UPF2: variants seen among roughly 807,000 people sequenced by gnomAD.
UPF2 encodes UPF2 regulator of nonsense mediated mRNA decay.
A neutral mutation model predicts 141.4 loss-of-function variants in UPF2; 17 were observed. That is an observed-to-expected ratio of 0.12 (90% CI 0.08 to 0.18). The LOEUF is 0.18. Ranked by LOEUF, UPF2 falls within the 10% of genes least tolerant of loss-of-function variation. UPF2 has a pLI of 1.00. For missense variants in UPF2, 1,152 were observed against 1,515.9 expected (o/e 0.76, Z 3.99); for synonymous variants, 540 against 498.0 (o/e 1.08, Z -1.12).
chr10:11,946,728 C>T (rs1046667188), intron 16 of UPF2, among the ~76,000 whole-genome samples: 1 of 152,150 alleles, frequency 6.6e-6, no homozygotes, highest in Non-Finnish European at 1.5e-5. Context: ...TCTCAGACAT[C>T]CTTTTATTTT....
intron 12 of UPF2, among the ~76,000 whole-genome samples, chr10:11,958,553 C>T (rs1289124662): frequency 6.6e-6 from 1 of 152,202 alleles, no homozygotes; most frequent in Non-Finnish European, 1.5e-5. Flanking sequence ...TTATCACCTT[C>T]CATCCTAAAA....
chr10:11,958,157 A>T (rs1251643701), intron 12 of UPF2, among the ~76,000 whole-genome samples: 1 of 152,190 alleles, frequency 6.6e-6, no homozygotes, highest in East Asian at 1.9e-4. Flanking sequence ...GTTCGAGACC[A>T]GCCTGTGGAA....
intron 8 of UPF2, among the ~76,000 whole-genome samples, chr10:11,995,609 C>T (rs541593527): frequency 5.9e-5 from 9 of 152,146 alleles, no homozygotes; most frequent in African/African-American, 2.2e-4. Context: ...AGGGTGAAAC[C>T]CCATCTCTAC....
chr10:11,929,726 AT>A, intron 21 of UPF2, 138 bp downstream of exon 21: 3 of 1,248,796 alleles, frequency 2.4e-6, no homozygotes, highest in Non-Finnish European at 2.2e-6. Context: ...CTACTTTTCT[AT>A]TTTGCTAAAA....
At chr10:12,024,979 G>A (rs956042676) in intron 3 of UPF2, among the ~76,000 whole-genome samples, 1 of 146,586 alleles carries the variant, frequency 6.8e-6, no homozygotes, top group Admixed American at 6.9e-5. Flanking sequence ...GATAATGACT[G>A]GGAGGGACAA....
At chr10:12,031,714 T>G (rs1434507996) in intron 2 of UPF2, among the ~76,000 whole-genome samples, 1 of 152,072 alleles carries the variant, frequency 6.6e-6, no homozygotes, top group Non-Finnish European at 1.5e-5. Flanking sequence ...AGGTTGAAGC[T>G]GCAGTGAGTC....
rs575485464 is a variant in UPF2 at position 11,939,936 on chromosome 10, T to G, written c.3378+2729A>C. On this transcript the variant is annotated intron_variant, in intron 18 of 21. Transcript: ENST00000357604. The surrounding 1 kb of genome is among the most constrained non-coding windows in gnomAD (Gnocchi z 4.8). ...ATTCATTCTGCATTGATCTCCCTGC[T>G]CTTCTCTTTCCCTTGGAAAAACAAA... Among the ~76,000 whole-genome samples, 10 of 152,312 alleles carry G rather than the reference T, an allele frequency of 6.6e-5. No homozygotes were observed. The highest frequency in any genetic ancestry group is 2.0e-4 in the Admixed American group (3 of 15,304).
intron 2 of UPF2, among the ~76,000 whole-genome samples, chr10:12,033,044 A>C (rs1270326416): frequency 1.3e-5 from 2 of 152,168 alleles, no homozygotes; most frequent in Non-Finnish European, 2.9e-5. Flanking sequence ...CCTAAAGAAC[A>C]ACTCTGAGAA....
intron 19 of UPF2, among the ~76,000 whole-genome samples, chr10:11,933,234 A>G (rs1832803106): frequency 6.6e-6 from 1 of 152,216 alleles, no homozygotes; most frequent in Non-Finnish European, 1.5e-5. Context: ...ACATTTGTAG[A>G]AAAACCGTTG....
chr10:11,985,636 AC>A (rs1564355979), intron 8 of UPF2, among the ~76,000 whole-genome samples: 193 of 151,264 alleles, frequency 1.3e-3, no homozygotes, highest in African/African-American at 4.4e-3. Context: ...AAAAAAAAAA[AC>A]AAACAAACAA....
chr10:11,991,124 T>C (rs553745249), intron 8 of UPF2, among the ~76,000 whole-genome samples: 1 of 151,578 alleles, frequency 6.6e-6, no homozygotes, highest in African/African-American at 2.4e-5. Context: ...AAAATAAGAA[T>C]GAAAAGAACA....
intron 8 of UPF2, among the ~76,000 whole-genome samples, chr10:11,984,685 C>T (rs1377721815): frequency 6.6e-6 from 1 of 150,646 alleles, no homozygotes; most frequent in African/African-American, 2.4e-5. Flanking sequence ...CTGAGTCCCC[C>T]ACAAAAAGGC....
chr10:12,031,878 A>C (rs1834530082), intron 2 of UPF2, among the ~76,000 whole-genome samples: 1 of 152,196 alleles, frequency 6.6e-6, no homozygotes, highest in Non-Finnish European at 1.5e-5. Context: ...TTTCCATTAA[A>C]AGCTACAATA....
Position 11,979,552 on chromosome 10 carries a change from A to C in UPF2, c.1845-387T>G, listed in dbSNP as rs1833558804. On this transcript the variant is annotated intron_variant, in intron 8 of 21. Transcript: ENST00000357604. This position sits in a 1 kb window ranked among gnomAD's most constrained non-coding sequence, Gnocchi z 6.2. ...TCTAGTGCAAGACAAAATCCTTTAA[A>C]GCCATTTCCTTCATTTATCTCAGGG... Among the ~76,000 whole-genome samples, 1 of 152,230 alleles carries C rather than the reference A, an allele frequency of 6.6e-6. No homozygotes were observed. The highest frequency in any genetic ancestry group is 2.1e-4 in the South Asian group (1 of 4,830).
intron 11 of UPF2, among the ~76,000 whole-genome samples, chr10:11,962,716 C>T (rs1374821540): frequency 6.6e-6 from 1 of 152,152 alleles, no homozygotes; most frequent in African/African-American, 2.4e-5. Context: ...TTATTCACTG[C>T]CACCAGGAAA....
At chr10:12,040,819 A>C (rs17473054) in intron 1 of UPF2, among the ~76,000 whole-genome samples, 7,958 of 152,310 alleles carry the variant, frequency 0.052, 282 homozygotes, top group Non-Finnish European at 0.08. Flanking sequence ...AAATTCTAGC[A>C]TAGTAACTAG....
intron 11 of UPF2, among the ~76,000 whole-genome samples, chr10:11,960,500 C>T (rs573688728): frequency 1.3e-5 from 2 of 152,122 alleles, no homozygotes; most frequent in South Asian, 2.1e-4. Context: ...CCCAGAAGCT[C>T]GAGGCTACAG....
chr10:11,926,400 G>A (rs1330515050), intron 21 of UPF2, among the ~76,000 whole-genome samples: 1 of 152,126 alleles, frequency 6.6e-6, no homozygotes, highest in Non-Finnish European at 1.5e-5. Flanking sequence ...CCACTGGGAG[G>A]GATGACACCT....
At chr10:12,024,580 A>G (rs1364383303) in intron 3 of UPF2, among the ~76,000 whole-genome samples, 1 of 152,136 alleles carries the variant, frequency 6.6e-6, no homozygotes, top group Non-Finnish European at 1.5e-5. Flanking sequence ...ACTGTACTCC[A>G]GCCTGGGCAA....
Sources: allele counts gnomAD v4.1 joint callset (sites outside exome capture counted in the v4.1 genomes callset), GRCh38; gene constraint gnomAD v4.1.1; non-coding constraint Gnocchi (gnomAD v3.1); transcripts MANE v1.5; gene names NCBI Gene and HGNC (gene_info 2026-07-23, HGNC 2026-07-21).